The following EML5 variants were observed in gnomAD, a reference collection of about 807,000 sequenced individuals.
The protein encoded by EML5 is echinoderm microtubule-associated protein-like 5.
EML5 carries 120 observed loss-of-function variants against 250.0 expected under a neutral mutation model. The ratio of observed to expected loss-of-function variants is 0.48; its 90% CI spans 0.41 to 0.56. EML5 has a LOEUF of 0.56. Ranked by LOEUF, EML5 falls within the 20% of genes least tolerant of loss-of-function variation. The pLI is 0.00. For missense variants in EML5, 2,006 were observed against 2,437.6 expected (o/e 0.82, Z 3.73); for synonymous variants, 771 against 806.5 (o/e 0.96, Z 0.75).
In EML5 at chr14:88,774,187, T is replaced by C. The variant is rs146897843; in HGVS notation, c.197+18120A>G. ...CACAACTGATTACTGGGCTCTACAC[T>C]TAGAGTTTCTAATTTGGTAGATCTG... On this transcript the variant is annotated intron_variant, in intron 1 of 43. Transcript: ENST00000554922. 5.6e-3 allele frequency among the ~76,000 whole-genome samples: 860 copies of C among 152,294 alleles called. 7 individuals are homozygous for C. Among genetic ancestry groups the C allele is most frequent in the African/African-American group, 0.02 (829 of 41,550 alleles).
At chr14:88,685,200 T>C in intron 19 of EML5, 58 bp from the exon 20 acceptor site, 12 of 1,392,808 alleles carry the variant, frequency 8.6e-6, no homozygotes, top group Non-Finnish European at 1.2e-5. Flanking sequence ...TACAACAGTG[T>C]ATATATTGCC....
chr14:88,621,767 G>T, intron 37 of EML5: 1 of 342,928 alleles, frequency 2.9e-6, no homozygotes, highest in South Asian at 2.4e-5. Context: ...CATAGGAGTT[G>T]TAGTTTTGAA....
At chr14:88,716,916 T>C (rs181289026) in intron 8 of EML5, among the ~76,000 whole-genome samples, 4 of 152,266 alleles carry the variant, frequency 2.6e-5, no homozygotes, top group Admixed American at 1.3e-4. Flanking sequence ...AGATGAAAAT[T>C]TGTTAATTTT....
chr14:88,765,259 A>C (rs977851298), intron 1 of EML5, among the ~76,000 whole-genome samples: 3 of 152,184 alleles, frequency 2.0e-5, no homozygotes, highest in Non-Finnish European at 2.9e-5. Flanking sequence ...CAAGGTGTTA[A>C]CACAACTAAA....
intron 2 of EML5, among the ~76,000 whole-genome samples, chr14:88,747,661 A>ATTAT (rs2094026839): frequency 6.6e-6 from 1 of 152,222 alleles, no homozygotes; most frequent in African/African-American, 2.4e-5. Flanking sequence ...CGAGACTATA[A>ATTAT]AAAGTATCCA....
intron 35 of EML5, 103 bp downstream of exon 35, chr14:88,626,735 G>A (rs1460518771): frequency 8.9e-7 from 1 of 1,125,202 alleles, no homozygotes; most frequent in Non-Finnish European, 1.3e-6. Context: ...GTAATGATTA[G>A]CAGATCACAG....
chr14:88,642,558 CTCA>C (rs2091122733), intron 31 of EML5, among the ~76,000 whole-genome samples: 1 of 152,138 alleles, frequency 6.6e-6, no homozygotes, highest in South Asian at 2.1e-4. Context: ...ACCATCTATT[CTCA>C]TCATGAGGTT....
chr14:88,750,597 C>G (rs1404439538), intron 2 of EML5, among the ~76,000 whole-genome samples: 1 of 152,096 alleles, frequency 6.6e-6, no homozygotes, highest in African/African-American at 2.4e-5. Context: ...AACCTACGCC[C>G]TCTAACTGTC....
chr14:88,706,288 A>G lies in EML5; in HGVS notation c.1796T>C (p.Leu599Pro). 1 of 1,609,216 alleles carries G rather than the reference A, an allele frequency of 6.2e-7. No individual in the cohort carries two copies. Among genetic ancestry groups the G allele is most frequent in the Admixed American group, 1.7e-5 (1 of 59,272 alleles). Residue 599 changes from leucine (L) to proline (P), a missense_variant, in exon 11 of 44, where the codon CTG becomes CCG. Physicochemically the swap from Leu to Pro is moderately conservative, Grantham distance 98. Transcript: ENST00000554922. ...FQWKFIPERK[L>P]KDAVHIAPQE... ...GGGTGCTATGTGAACAGCATCTTTC[A>G]GTTTTCTTTCAGGAATAAATTTCCA... is the stretch of plus-strand genomic sequence containing the variant.
intron 27 of EML5, among the ~76,000 whole-genome samples, chr14:88,651,567 T>C (rs969632733): frequency 6.6e-6 from 1 of 152,062 alleles, no homozygotes; most frequent in Admixed American, 6.6e-5. Context: ...AAAATCAATA[T>C]AACAAATGAA....
chr14:88,633,384 C>T (rs1481358345), intron 33 of EML5, among the ~76,000 whole-genome samples: 1 of 151,826 alleles, frequency 6.6e-6, no homozygotes, highest in African/African-American at 2.4e-5. Flanking sequence ...CCAGAGTGCT[C>T]GGATTACAGG....
rs1044983665 is a variant in EML5, at chr14:88,734,186, C to G, written c.1049+2178G>C. Among the ~76,000 whole-genome samples the G allele has an allele frequency of 3.9e-5, 6 of 151,998 alleles. No individual in the cohort carries two copies. The East Asian group carries it at 1.2e-3, about 29-fold the overall frequency. ...GTTTACAGAAAGGATTCTAGGGAACCACCTAACTTTTAAAATTGGTAAATA... is the reference window on the plus strand; with the variant it reads ...GTTTACAGAAAGGATTCTAGGGAACGACCTAACTTTTAAAATTGGTAAATA... On this transcript the variant is annotated intron_variant, in intron 7 of 43. Transcript: ENST00000554922.
At chr14:88,623,693 T>G (rs2089467545) in intron 36 of EML5, 1 of 152,332 alleles carries the variant, frequency 6.6e-6, no homozygotes, top group Non-Finnish European at 1.5e-5. Context: ...ATTACAGGCG[T>G]GAGCCACTGC....
At chr14:88,672,267 AG>A (rs2141058223) in intron 21 of EML5, among the ~76,000 whole-genome samples, 2 of 152,298 alleles carry the variant, frequency 1.3e-5, no homozygotes, top group African/African-American at 4.8e-5. Flanking sequence ...ATAACTACAC[AG>A]AAATTGAACA....
At chr14:88,678,240 T>G (rs927106690) in intron 21 of EML5, among the ~76,000 whole-genome samples, 1 of 151,960 alleles carries the variant, frequency 6.6e-6, no homozygotes, top group Non-Finnish European at 1.5e-5. Context: ...AGCTGAACAA[T>G]GAGAACTAAG....
At chr14:88,617,150 CT>C (rs1358683137) in intron 41 of EML5, 4,891 of 183,684 alleles carry the variant, frequency 0.027, no homozygotes, top group South Asian at 0.052. Context: ...ACTATTTTTT[CT>C]TTTTTTTTTT....
chr14:88,625,452 A>G, intron 35 of EML5: 1 of 209,316 alleles, frequency 4.8e-6, no homozygotes, highest in Non-Finnish European at 9.6e-6. Flanking sequence ...CCCAGGCTGG[A>G]GTGCAATGGT....
chr14:88,748,683 T>C (rs1200563719), intron 2 of EML5, among the ~76,000 whole-genome samples: 1 of 152,018 alleles, frequency 6.6e-6, no homozygotes, highest in Non-Finnish European at 1.5e-5. Flanking sequence ...TTAGGAGACA[T>C]TTGCTGTTAA....
chr14:88,786,892 T>A (rs2094556685), intron 1 of EML5, among the ~76,000 whole-genome samples: 2 of 152,186 alleles, frequency 1.3e-5, no homozygotes, highest in Admixed American at 1.3e-4. Flanking sequence ...AACGGACTAA[T>A]GAACCAACTA....
Sources: allele counts gnomAD v4.1 joint callset (sites outside exome capture counted in the v4.1 genomes callset), GRCh38; gene constraint gnomAD v4.1.1; transcripts MANE v1.5; gene names NCBI Gene and HGNC (gene_info 2026-07-23, HGNC 2026-07-21).